Variants in SOX5 observed in about 807,000 individuals in gnomAD.
SOX5 encodes the protein SRY-box transcription factor 5.
SOX5 carries 9 observed loss-of-function variants against 92.0 expected under a neutral mutation model. That is an observed-to-expected ratio of 0.10 (90% CI 0.06 to 0.17). The LOEUF (loss-of-function observed/expected upper bound fraction) is 0.17, where lower values mean the gene tolerates loss of function less well. Ranked by LOEUF, SOX5 falls within the 10% of genes least tolerant of loss-of-function variation. The pLI, the probability that SOX5 is intolerant of heterozygous loss-of-function variation, is 1.00. For synonymous variants in SOX5, 344 were observed against 336.3 expected (o/e 1.02, Z -0.25); for missense variants, 642 against 944.5 (o/e 0.68, Z 4.20).
chr12:24,232,932 G>A (rs993682390), intron 3 of SOX5, among the ~76,000 whole-genome samples: 1 of 152,154 alleles, frequency 6.6e-6, no homozygotes, highest in African/African-American at 2.4e-5. Context: ...GGTATTAAAT[G>A]GAAGCCACCA....
intron 9 of SOX5, among the ~76,000 whole-genome samples, chr12:23,581,076 T>A (rs186338949): frequency 3.4e-4 from 52 of 152,186 alleles, no homozygotes; most frequent in Admixed American, 5.9e-4. Context: ...AATTTTATAA[T>A]GTACAAATAC....
chr12:24,281,250 A>AC (rs2140415093), intron 2 of SOX5, among the ~76,000 whole-genome samples: 1 of 151,482 alleles, frequency 6.6e-6, no homozygotes, highest in South Asian at 2.1e-4. Context: ...AAAAAAAAAA[A>AC]AAAAAAACTG....
rs142293876 is a variant in SOX5, at chr12:24,263,250, G to A, written c.-77+13966C>T. 2.4e-3 allele frequency among the ~76,000 whole-genome samples: 366 copies of A among 151,782 alleles called. 3 individuals are homozygous for A. Among genetic ancestry groups the A allele is most frequent in the African/African-American group, 7.9e-3 (327 of 41,428 alleles). On this transcript the variant is annotated intron_variant, in intron 3 of 4. Transcript: ENST00000446891. Reference sequence around the variant, plus strand: ...AAAAAAAGGAAGAAATTACTAGGCCGGGTGTGGTGGCTCACACCTGTAATC... The same window carrying A: ...AAAAAAAGGAAGAAATTACTAGGCCAGGTGTGGTGGCTCACACCTGTAATC...
intron 3 of SOX5, among the ~76,000 whole-genome samples, chr12:24,216,580 A>C (rs1959180027): frequency 6.6e-6 from 1 of 152,208 alleles, no homozygotes; most frequent in Non-Finnish European, 1.5e-5. Flanking sequence ...GATTGAGTTT[A>C]GTCACATGGC....
chr12:24,410,775 C>A (rs1963931575), intron 1 of SOX5, among the ~76,000 whole-genome samples: 1 of 152,148 alleles, frequency 6.6e-6, no homozygotes, highest in South Asian at 2.1e-4. Flanking sequence ...TTTCAAAGTT[C>A]TTTTAGCTAT....
chr12:23,700,699 G>A (rs2090503788), intron 6 of SOX5, among the ~76,000 whole-genome samples: 1 of 151,972 alleles, frequency 6.6e-6, no homozygotes, highest in South Asian at 2.1e-4. Context: ...TAGAGAATGG[G>A]TTAATAGTTT....
At chr12:23,708,166 G>A (rs1051733115) in intron 6 of SOX5, among the ~76,000 whole-genome samples, 3 of 148,408 alleles carry the variant, frequency 2.0e-5, no homozygotes, top group African/African-American at 5.0e-5. Flanking sequence ...TTTTGTTCTA[G>A]GAAAATCTGG....
At chr12:23,826,130 C>T (rs997785240) in intron 3 of SOX5, among the ~76,000 whole-genome samples, 1 of 151,780 alleles carries the variant, frequency 6.6e-6, no homozygotes, top group African/African-American at 2.4e-5. Context: ...CCCAGTAACT[C>T]GTCATTTAAC....
chr12:23,639,250 G>C (rs2079702330), intron 8 of SOX5, among the ~76,000 whole-genome samples: 1 of 151,966 alleles, frequency 6.6e-6, no homozygotes, highest in South Asian at 2.1e-4. Context: ...ATAAAAATTA[G>C]CATCAAATAT....
intron 3 of SOX5, among the ~76,000 whole-genome samples, chr12:23,820,870 T>C (rs2096097323): frequency 6.6e-6 from 1 of 152,214 alleles, no homozygotes; most frequent in Non-Finnish European, 1.5e-5. Context: ...GCCTCCAGCT[T>C]TGCTCTTTTT....
chr12:24,124,283 A>G (rs552890149), intron 4 of SOX5, among the ~76,000 whole-genome samples: 2 of 152,300 alleles, frequency 1.3e-5, no homozygotes, highest in African/African-American at 4.8e-5. Flanking sequence ...ATTTTGCTGT[A>G]TACCATCTGC....
chr12:23,671,789 C>T (rs1373589878), intron 6 of SOX5, among the ~76,000 whole-genome samples: 1 of 152,162 alleles, frequency 6.6e-6, no homozygotes, highest in East Asian at 1.9e-4. Flanking sequence ...CAATCCCTGC[C>T]TCTAACTTCC....
At chr12:24,221,114 A>G (rs1325967051) in intron 3 of SOX5, among the ~76,000 whole-genome samples, 14 of 152,210 alleles carry the variant, frequency 9.2e-5, no homozygotes, top group South Asian at 2.1e-4. Context: ...TCTTCCCAAT[A>G]TATCACATAA....
At chr12:23,574,350 CT>C (rs1291242262) in intron 10 of SOX5, among the ~76,000 whole-genome samples, 2 of 152,164 alleles carry the variant, frequency 1.3e-5, no homozygotes, top group Non-Finnish European at 2.9e-5. Context: ...GTTCCTTGTG[CT>C]GCAAATTCAA....
intron 4 of SOX5, among the ~76,000 whole-genome samples, chr12:24,025,761 GACTGCAATT>G (rs1954806789): frequency 6.6e-6 from 1 of 151,956 alleles, no homozygotes; most frequent in Non-Finnish European, 1.5e-5. Flanking sequence ...AAATACCAAT[GACTGCAATT>G]ACTGAAAAAA....
intron 2 of SOX5, among the ~76,000 whole-genome samples, chr12:24,284,315 C>A (rs960009372): frequency 6.6e-6 from 1 of 151,994 alleles, no homozygotes; most frequent in South Asian, 2.1e-4. Context: ...GTAGGCTGAT[C>A]CCTGGAGGTC....
intron 1 of SOX5, among the ~76,000 whole-genome samples, chr12:24,555,354 C>A (rs932372727): frequency 1.3e-5 from 2 of 152,142 alleles, no homozygotes; most frequent in East Asian, 3.8e-4. Context: ...ACGGTTTATA[C>A]TCTGATAAAA....
chr12:23,867,777 G>A lies in SOX5; in HGVS notation c.271-21584C>T, dbSNP rs563360598. ...AGTGATGCCTCTTACTTTGAAAAGC[G>A]ATCTGTAAATTAAGCTCTAGCTGTG... On this transcript the variant is annotated intron_variant, in intron 2 of 14. Transcript: ENST00000451604. 1.1e-4 allele frequency among the ~76,000 whole-genome samples: 17 copies of A among 150,712 alleles called. No individual in the cohort carries two copies. In the South Asian group the frequency reaches 3.4e-3, roughly 30 times the overall value.
chr12:24,315,058 G>A (rs1041735997), intron 2 of SOX5, among the ~76,000 whole-genome samples: 2 of 152,142 alleles, frequency 1.3e-5, no homozygotes, highest in Non-Finnish European at 2.9e-5. Flanking sequence ...CTTTAGCAAG[G>A]AACAAAGTCT....
Sources: gnomAD v4.1 joint callset for allele counts (sites outside exome capture counted in the v4.1 genomes callset) on GRCh38, gnomAD v4.1.1 for gene constraint, MANE v1.5 for transcripts, NCBI Gene and HGNC (gene_info 2026-07-23, HGNC 2026-07-21) for gene names.